Variants in PCOLCE2 observed in about 807,000 individuals in gnomAD.
PCOLCE2 encodes the protein procollagen C-proteinase enhancer 2.
PCOLCE2 carries 42 observed loss-of-function variants against 47.0 expected under a neutral mutation model. That is an observed-to-expected ratio of 0.89 (90% CI 0.70 to 1.16). The LOEUF (loss-of-function observed/expected upper bound fraction) is 1.16, where lower values mean the gene tolerates loss of function less well. Ranked by LOEUF, PCOLCE2 falls within the 50% of genes most tolerant of loss-of-function variation. The pLI is 0.00. For synonymous variants in PCOLCE2, 169 were observed against 191.7 expected (o/e 0.88, Z 0.98); for missense variants, 500 against 526.1 (o/e 0.95, Z 0.49).
chr3:142,862,483 T>C (rs1407846150), intron 2 of PCOLCE2, among the ~76,000 whole-genome samples: 1 of 152,234 alleles, frequency 6.6e-6, no homozygotes, highest in East Asian at 1.9e-4. Context: ...CCTGTGAGTT[T>C]AAACTTTTCA....
At chr3:142,855,345 T>C (rs5003282) in intron 2 of PCOLCE2, among the ~76,000 whole-genome samples, 1 of 151,456 alleles carries the variant, frequency 6.6e-6, no homozygotes, top group African/African-American at 2.4e-5. Flanking sequence ...AATCTTAAAA[T>C]AATAGTGCAG....
intron 2 of PCOLCE2, among the ~76,000 whole-genome samples, chr3:142,883,198 CAAA>C (rs750569279): frequency 4.2e-5 from 3 of 71,886 alleles, no homozygotes; most frequent in Non-Finnish European, 4.9e-5. Flanking sequence ...GACTCCGTCT[CAAA>C]AAAAAAAAAA....
chr3:142,835,697 CA>C (rs1384353583), intron 5 of PCOLCE2, among the ~76,000 whole-genome samples: 2 of 152,158 alleles, frequency 1.3e-5, no homozygotes, highest in Non-Finnish European at 2.9e-5. Context: ...GGCTGGAGTG[CA>C]GTGGCACGAT....
Position 142,887,745 on chromosome 3 carries a change from C to T in PCOLCE2, c.116G>A (p.Gly39Glu), listed in dbSNP as rs957240834. Residue 39 changes from glycine to glutamate, a missense_variant, in exon 2 of 9, where the codon GGA (glycine) becomes GAA (glutamate). Gly to Glu is a moderately conservative substitution (Grantham distance 98). Coordinates refer to ENST00000295992, the MANE Select transcript of PCOLCE2 (RefSeq NM_013363.4). ...TTCACTGCCAATAAATCCAGACTCT[C>T]CAGTAAGAATGCCACCACATGTGAA... is the stretch of plus-strand genomic sequence containing the variant. ...PVFTCGGILT[G>E]ESGFIGSEGF... 5 of 1,606,866 alleles carry T rather than the reference C, an allele frequency of 3.1e-6. No individual in the cohort carries two copies. The highest frequency in any genetic ancestry group is 3.4e-6 in the Non-Finnish European group (4 of 1,173,600).
chr3:142,848,017 A>C (rs1005353412), intron 3 of PCOLCE2, among the ~76,000 whole-genome samples, 200 bp downstream of exon 3: 2 of 152,196 alleles, frequency 1.3e-5, no homozygotes, highest in African/African-American at 2.4e-5. Context: ...TTACTCTATG[A>C]ATTTCTATAC....
At position 142,889,001 on chromosome 3, in the gene PCOLCE2, T is replaced by G. The variant is rs1358419171; in HGVS notation, c.-105A>C. On this transcript the variant is annotated 5_prime_UTR_variant, in exon 1 of 9. Coordinates refer to ENST00000295992, the MANE Select transcript of PCOLCE2 (RefSeq NM_013363.4). ...CCGCCGCTCACACTGGCAGCAGCGCTGGCTCACACCGGCGCTCGGCTGCCC... is the reference window on the plus strand; with the variant it reads ...CCGCCGCTCACACTGGCAGCAGCGCGGGCTCACACCGGCGCTCGGCTGCCC... 8.1e-6 allele frequency: 4 copies of G among 491,696 alleles called. No homozygotes were observed. Among genetic ancestry groups the G allele is most frequent in the South Asian group, 7.5e-5 (1 of 13,274 alleles). 30.5% of individuals were successfully genotyped at this position (491,696 alleles called of 1,614,324 possible).
chr3:142,869,720 A>G (rs1193109270), intron 2 of PCOLCE2, among the ~76,000 whole-genome samples: 1 of 152,250 alleles, frequency 6.6e-6, no homozygotes, highest in African/African-American at 2.4e-5. Flanking sequence ...GCCAAACAGA[A>G]AAATCTTTGA....
At chr3:142,843,857 C>G (rs1273553266) in intron 3 of PCOLCE2, among the ~76,000 whole-genome samples, 1 of 152,072 alleles carries the variant, frequency 6.6e-6, no homozygotes, top group East Asian at 1.9e-4. Context: ...ATTCTTAAAT[C>G]AAACTTCTAA....
intron 2 of PCOLCE2, among the ~76,000 whole-genome samples, chr3:142,882,500 A>G (rs1027418477): frequency 1.3e-5 from 2 of 152,352 alleles, no homozygotes; most frequent in Non-Finnish European, 2.9e-5. Context: ...GTACTTTTAA[A>G]TTATAAATAA....
intron 2 of PCOLCE2, among the ~76,000 whole-genome samples, chr3:142,858,441 C>T (rs1933112517): frequency 6.6e-6 from 1 of 152,198 alleles, no homozygotes; most frequent in South Asian, 2.1e-4. Context: ...ATTTGTTTTG[C>T]AAATCAACAA....
chr3:142,882,403 C>T (rs1226303042), intron 2 of PCOLCE2, among the ~76,000 whole-genome samples: 1 of 152,102 alleles, frequency 6.6e-6, no homozygotes, highest in Non-Finnish European at 1.5e-5. Context: ...GACCCCAAGA[C>T]TAAATTTTTG....
intron 3 of PCOLCE2, 131 bp from the exon 4 acceptor site, chr3:142,843,179 A>C: frequency 1.2e-6 from 1 of 851,904 alleles, no homozygotes; most frequent in Non-Finnish European, 2.0e-6. Flanking sequence ...AAGCGCTTAC[A>C]TTTTCTCTTA....
chr3:142,827,244 G>A, intron 6 of PCOLCE2: 1 of 1,214,246 alleles, frequency 8.2e-7, no homozygotes, highest in African/African-American at 1.5e-5. Context: ...CCAAAAGGAT[G>A]CTCCATAGGG....
intron 7 of PCOLCE2, among the ~76,000 whole-genome samples, chr3:142,822,415 A>C (rs1271348027): frequency 6.6e-6 from 1 of 152,048 alleles, no homozygotes; most frequent in Non-Finnish European, 1.5e-5. Context: ...GGAATAAATC[A>C]AGTTTTGGAC....
chr3:142,874,053 T>A (rs1377191614), intron 2 of PCOLCE2, among the ~76,000 whole-genome samples: 1 of 152,136 alleles, frequency 6.6e-6, no homozygotes, highest in East Asian at 1.9e-4. Context: ...AGTGAATGAG[T>A]TCTCATGAGA....
chr3:142,822,864 C>T (rs903920614), intron 7 of PCOLCE2, among the ~76,000 whole-genome samples: 6 of 152,212 alleles, frequency 3.9e-5, no homozygotes, highest in Non-Finnish European at 5.9e-5. Flanking sequence ...GCCATAGCAA[C>T]TTGCTCTTCC....
intron 2 of PCOLCE2, among the ~76,000 whole-genome samples, chr3:142,868,902 C>T (rs189923650): frequency 0.01 from 1,552 of 152,234 alleles, 12 homozygotes; most frequent in Non-Finnish European, 0.015. Flanking sequence ...ATTTCTTTTG[C>T]GGCACCAAAA....
rs776789176 is a variant in PCOLCE2 at position 142,842,970 on chromosome 3, G to C, written c.527C>G (p.Pro176Arg). ...GTGCCACACACAAGTGACTCCTGCAGGGTAATCCCGGTCTGGCCAGTTGGG... is the reference window on the plus strand; with the variant it reads ...GTGCCACACACAAGTGACTCCTGCACGGTAATCCCGGTCTGGCCAGTTGGG... ...KTPNWPDRDY[P>R]AGVTCVWHIV... The change falls in exon 4 of 9, where the codon CCT (proline) becomes CGT (arginine). Residue 176 changes from proline (P) to arginine (R), a missense_variant. Transcript: ENST00000295992. This position sits in a 1 kb window ranked among gnomAD's most constrained non-coding sequence, Gnocchi z 4.1. 6 of 1,613,896 alleles carry C rather than the reference G, an allele frequency of 3.7e-6. No individual in the cohort carries two copies. The South Asian group carries it at 5.5e-5, about 15-fold the overall frequency.
At chr3:142,888,693 G>C in intron 1 of PCOLCE2, 121 bp downstream of exon 1, 1 of 555,938 alleles carries the variant, frequency 1.8e-6, no homozygotes, top group Non-Finnish European at 3.0e-6. Flanking sequence ...GCGCGGGAGC[G>C]CAGGGTCGAG....
Sources: allele counts gnomAD v4.1 joint callset (sites outside exome capture counted in the v4.1 genomes callset), GRCh38; gene constraint gnomAD v4.1.1; non-coding constraint Gnocchi (gnomAD v3.1); transcripts MANE v1.5; gene names NCBI Gene and HGNC (gene_info 2026-07-23, HGNC 2026-07-21).